Variants in COL4A1 observed in about 807,000 individuals in gnomAD.
The protein encoded by COL4A1 is collagen alpha-1(IV) chain.
In COL4A1, 40 loss-of-function variants were observed where a neutral mutation model predicts 216.6. The observed-to-expected ratio is 0.18, with a 90% confidence interval of 0.14 to 0.24. The LOEUF is 0.24. Among genes scored for constraint, COL4A1 ranks in the 10% least tolerant of loss-of-function variants. The probability of loss-of-function intolerance (pLI) is 1.00; values close to 1 mark genes in which losing one functional copy is unlikely to be tolerated. For synonymous variants in COL4A1, 839 were observed against 810.7 expected (o/e 1.03, Z -0.59); for missense variants, 1,628 against 2,196.8 (o/e 0.74, Z 5.18).
At chr13:110,279,485 AT>A (rs1883542712) in intron 1 of COL4A1, among the ~76,000 whole-genome samples, 1 of 152,032 alleles carries the variant, frequency 6.6e-6, no homozygotes, top group African/African-American at 2.4e-5. Context: ...CATATAATGT[AT>A]TTTTTTGCTC....
At chr13:110,179,489 C>T (rs999597535) in intron 29 of COL4A1, 68 bp from the exon 30 acceptor site, 15 of 1,608,196 alleles carry the variant, frequency 9.3e-6, no homozygotes, top group South Asian at 3.3e-5. Flanking sequence ...AAACCAATAG[C>T]GTAAGTGAAG....
chr13:110,178,359 G>A, intron 31 of COL4A1, 128 bp from the exon 32 acceptor site: 1 of 1,124,082 alleles, frequency 8.9e-7, no homozygotes, highest in Non-Finnish European at 1.3e-6. Flanking sequence ...GAACTTGAAT[G>A]GATCATCTGT....
At chr13:110,161,877 G>C (rs887176993) in intron 48 of COL4A1, 30 of 353,110 alleles carry the variant, frequency 8.5e-5, no homozygotes, top group South Asian at 7.5e-4. Context: ...TTTTTACAAA[G>C]AGCAATGGTT....
intron 49 of COL4A1, among the ~76,000 whole-genome samples, chr13:110,156,028 T>C (rs1332760573): frequency 6.6e-6 from 1 of 152,212 alleles, no homozygotes; most frequent in Non-Finnish European, 1.5e-5. Context: ...GGCCTGCCTG[T>C]GGGCCACTGC....
chr13:110,252,058 C>T (rs1400651486), intron 1 of COL4A1, among the ~76,000 whole-genome samples: 2 of 152,078 alleles, frequency 1.3e-5, no homozygotes, highest in South Asian at 4.2e-4. Flanking sequence ...GAGTCTCGCT[C>T]TGTTGCCCAG....
At chr13:110,213,903 C>T (rs370658912) in intron 3 of COL4A1, 23 bp downstream of exon 3, 6 of 1,613,700 alleles carry the variant, frequency 3.7e-6, no homozygotes, top group Non-Finnish European at 5.1e-6. Flanking sequence ...TCCACCCACC[C>T]CCAATCCCAC....
intron 1 of COL4A1, among the ~76,000 whole-genome samples, chr13:110,255,519 C>T (rs888017698): frequency 8.4e-6 from 1 of 119,534 alleles, no homozygotes; most frequent in African/African-American, 3.3e-5. Flanking sequence ...GGTGATTCCA[C>T]CAGGAACAGG....
At chr13:110,170,230 G>A (rs979916588) in intron 42 of COL4A1, among the ~76,000 whole-genome samples, 4 of 152,170 alleles carry the variant, frequency 2.6e-5, no homozygotes, top group African/African-American at 7.2e-5. Flanking sequence ...CTACCACTAC[G>A]GGGGTCTTCA....
chr13:110,180,167 A>C (rs190751384), intron 29 of COL4A1, among the ~76,000 whole-genome samples: 115 of 152,310 alleles, frequency 7.6e-4, no homozygotes, highest in African/African-American at 2.7e-3. Flanking sequence ...CATCAAGGGG[A>C]TGCTTGAAAA....
chr13:110,250,720 T>A (rs1260620807), intron 1 of COL4A1, among the ~76,000 whole-genome samples: 1 of 151,956 alleles, frequency 6.6e-6, no homozygotes, highest in Non-Finnish European at 1.5e-5. Context: ...GACCCATGGG[T>A]GGAAACACTG....
At chr13:110,264,549 A>G (rs1262903016) in intron 1 of COL4A1, among the ~76,000 whole-genome samples, 4 of 152,230 alleles carry the variant, frequency 2.6e-5, no homozygotes, top group African/African-American at 9.6e-5. Flanking sequence ...ATGTATTTCA[A>G]TGGATGCACA....
chr13:110,245,823 G>A (rs1172208933), intron 1 of COL4A1, among the ~76,000 whole-genome samples: 3 of 152,160 alleles, frequency 2.0e-5, no homozygotes, highest in African/African-American at 7.2e-5. Context: ...GCCGGTGACA[G>A]GCGGGTGGGT....
rs993780334 is a variant in COL4A1, at chr13:110,207,324, T to A, written c.780+79A>T. The A allele has an allele frequency of 1.6e-6, 2 of 1,262,008 alleles. No homozygotes were observed. Among genetic ancestry groups the A allele is most frequent in the Admixed American group, 1.7e-5 (1 of 59,332 alleles). 78.2% of individuals were successfully genotyped at this position (1,262,008 alleles called of 1,614,324 possible). A position where few individuals can be genotyped will look rare whatever the true frequency, so the allele number is the denominator to read the frequency against. On this transcript the variant is annotated intron_variant, in intron 13 of 51. Coordinates refer to ENST00000375820, the MANE Select transcript of COL4A1 (RefSeq NM_001845.6). This position sits in a 1 kb window ranked among gnomAD's most constrained non-coding sequence, Gnocchi z 4.4. ...TTGAATGTAGCTGGAAAAACTGAGT[T>A]TTGACCCATTTTCTCTTTATCTTTT...
At chr13:110,238,909 T>G (rs1453433741) in intron 2 of COL4A1, among the ~76,000 whole-genome samples, 1 of 152,184 alleles carries the variant, frequency 6.6e-6, no homozygotes, top group African/African-American at 2.4e-5. Flanking sequence ...AGAGCTTAAC[T>G]TTTGGCTATT....
rs1414773161 is a variant in COL4A1 at position 110,163,539 on chromosome 13, T to C, written c.4173A>G (p.Ile1391Met). 3.7e-6 allele frequency: 6 copies of C among 1,614,046 alleles called. No individual in the cohort carries two copies. Among genetic ancestry groups the C allele is most frequent in the Non-Finnish European group, 4.2e-6 (5 of 1,179,974 alleles). Residue 1391 changes from isoleucine to methionine, a missense_variant, in exon 47 of 52, where the codon ATA becomes ATG. Transcript: ENST00000375820. ...ACCCAGGAATACCTGGAGGTCCAGG[T>C]ATACCCACCAATCCTGTAACACCTG... ...GQQGVTGLVGIPGPPGIPGFD... is the reference protein window; with the variant it reads ...GQQGVTGLVGMPGPPGIPGFD...
Position 110,169,673 on chromosome 13 carries a change from C to G in COL4A1, c.3832G>C (p.Gly1278Arg). Residue 1278 changes from glycine (G) to arginine (R), a missense_variant, in exon 43 of 52, where the codon GGT becomes CGT. Gly to Arg is a moderately radical substitution (Grantham distance 125). Transcript: ENST00000375820. The part of the protein sequence containing the change: ...KGNPGWPGAP[G>R]VPGPKGDPGF... ...GGGTCTCCCTTGGGCCCTGGGACAC[C>G]GGGTGCTCCTGGCCAGCCTGGATTT... 3 of 1,614,142 alleles carry G rather than the reference C, an allele frequency of 1.9e-6. No homozygotes were observed. Among genetic ancestry groups the G allele is most frequent in the Non-Finnish European group, 2.5e-6 (3 of 1,180,032 alleles).
At position 110,164,836 on chromosome 13, in the gene COL4A1, G is replaced by A. The variant is rs763002052; in HGVS notation, c.4150+26C>T. The stretch of plus-strand genomic sequence containing the variant: ...ACTGCCCCTCTGGGCTCCCCATACC[G>A]CCCTGCACAGGCCAAGCCTTCTCAC... On this transcript the variant is annotated intron_variant, in intron 46 of 51. Coordinates refer to ENST00000375820, the MANE Select transcript of COL4A1 (RefSeq NM_001845.6). 60 of 1,612,430 alleles carry A rather than the reference G, an allele frequency of 3.7e-5. No homozygotes were observed. In the East Asian group the frequency reaches 4.0e-4, roughly 11 times the overall value.
intron 21 of COL4A1, among the ~76,000 whole-genome samples, chr13:110,197,312 T>C (rs1289056147): frequency 1.3e-5 from 2 of 150,608 alleles, no homozygotes; most frequent in African/African-American, 4.9e-5. Flanking sequence ...GGGTAACCCC[T>C]GTCAGCCCCA....
intron 1 of COL4A1, among the ~76,000 whole-genome samples, chr13:110,276,488 C>T (rs1219768004): frequency 6.6e-6 from 1 of 152,174 alleles, no homozygotes; most frequent in African/African-American, 2.4e-5. Flanking sequence ...GGCTCCTCTA[C>T]ACCCGGAGCG....
Sources: gnomAD v4.1 joint callset for allele counts (sites outside exome capture counted in the v4.1 genomes callset) on GRCh38, gnomAD v4.1.1 for gene constraint, Gnocchi (gnomAD v3.1) non-coding constraint, MANE v1.5 for transcripts, NCBI Gene and HGNC (gene_info 2026-07-23, HGNC 2026-07-21) for gene names.